Variants in RBFOX1 observed in about 807,000 individuals in gnomAD.
RBFOX1 encodes the protein RNA binding fox-1 homolog 1.
Under a neutral mutation model 57.7 loss-of-function variants are expected in RBFOX1, and 8 were observed. The observed-to-expected ratio is 0.14, with a 90% CI of 0.08 to 0.25. RBFOX1 has a LOEUF of 0.25. Ranked by LOEUF, RBFOX1 falls within the 10% of genes least tolerant of loss-of-function variation. The probability of loss-of-function intolerance (pLI) is 1.00; values close to 1 mark genes in which losing one functional copy is unlikely to be tolerated. For synonymous variants in RBFOX1, 326 were observed against 222.4 expected (o/e 1.47, Z -4.15); for missense variants, 611 against 548.5 (o/e 1.11, Z -1.14).
At chr16:7,424,916 A>G (rs759831471) in intron 4 of RBFOX1, among the ~76,000 whole-genome samples, 1 of 152,186 alleles carries the variant, frequency 6.6e-6, no homozygotes, top group Non-Finnish European at 1.5e-5. Flanking sequence ...AATATAATAC[A>G]AATTATATTC....
intron 2 of RBFOX1, among the ~76,000 whole-genome samples, chr16:5,566,916 A>G (rs2046093172): frequency 6.6e-6 from 1 of 152,170 alleles, no homozygotes; most frequent in Non-Finnish European, 1.5e-5. Flanking sequence ...AAGTTGTTTT[A>G]GGTGACCTGG....
chr16:5,995,700 T>C (rs1431178105), intron 4 of RBFOX1, among the ~76,000 whole-genome samples: 2 of 152,166 alleles, frequency 1.3e-5, no homozygotes, highest in South Asian at 2.1e-4. Context: ...TGGTGGAAAA[T>C]CTTTGATATA....
intron 3 of RBFOX1, among the ~76,000 whole-genome samples, chr16:7,035,074 G>C (rs1309288288): frequency 6.6e-6 from 1 of 151,416 alleles, no homozygotes; most frequent in Non-Finnish European, 1.5e-5. Context: ...TCTCAAACTT[G>C]TGGCCTCAGG....
chr16:7,207,107 A>T (rs77298294), intron 4 of RBFOX1, among the ~76,000 whole-genome samples: 1 of 152,188 alleles, frequency 6.6e-6, no homozygotes, highest in African/African-American at 2.4e-5. Context: ...TGAGGCTTCA[A>T]ATCACCCCAT....
chr16:5,262,368 T>C (rs2062756218), intron 1 of RBFOX1, among the ~76,000 whole-genome samples: 1 of 152,182 alleles, frequency 6.6e-6, no homozygotes, highest in East Asian at 1.9e-4. Context: ...TCCTCCCCAA[T>C]GTGGGTGAGC....
intron 4 of RBFOX1, among the ~76,000 whole-genome samples, chr16:7,459,617 G>A (rs1598936986): frequency 6.6e-6 from 1 of 152,130 alleles, no homozygotes; most frequent in East Asian, 1.9e-4. Context: ...CGGGGGGACA[G>A]TTCTAGTTTA....
intron 2 of RBFOX1, among the ~76,000 whole-genome samples, chr16:6,570,667 A>T (rs1454431245): frequency 6.6e-6 from 1 of 152,226 alleles, no homozygotes; most frequent in Non-Finnish European, 1.5e-5. Context: ...GCTAAAAATT[A>T]TCAGTCATAT....
chr16:7,079,676 C>G (rs116353805), intron 4 of RBFOX1, among the ~76,000 whole-genome samples: 1,528 of 152,176 alleles, frequency 0.01, 30 homozygotes, highest in African/African-American at 0.035. Context: ...GAAAAGTAAA[C>G]ATTTTCCTGC....
At chr16:5,996,937 G>T (rs1018872025) in intron 4 of RBFOX1, among the ~76,000 whole-genome samples, 3 of 152,140 alleles carry the variant, frequency 2.0e-5, no homozygotes, top group Non-Finnish European at 2.9e-5. Context: ...CAACCTAATA[G>T]TTCGTCCAAA....
chr16:6,062,292 C>CG (rs1333627264), intron 1 of RBFOX1, among the ~76,000 whole-genome samples: 1 of 93,044 alleles, frequency 1.1e-5, no homozygotes, highest in African/African-American at 7.9e-5. Context: ...CCATCTTTAG[C>CG]CCCCCTGCCC....
intron 3 of RBFOX1, among the ~76,000 whole-genome samples, chr16:6,980,569 T>C (rs1324746531): frequency 2.0e-5 from 3 of 151,978 alleles, no homozygotes; most frequent in Non-Finnish European, 2.9e-5. Flanking sequence ...CAAAAGCGAG[T>C]ATTGAAAAAC....
At chr16:7,227,134 TCCTGGAGTAATAGTA>T (rs2093175940) in intron 4 of RBFOX1, among the ~76,000 whole-genome samples, 1 of 152,150 alleles carries the variant, frequency 6.6e-6, no homozygotes, top group Non-Finnish European at 1.5e-5. Flanking sequence ...AGTTTGAAAA[TCCTGGAGTAATAGTA>T]CCCCATTATG....
intron 2 of RBFOX1, among the ~76,000 whole-genome samples, chr16:6,491,750 C>T (rs538788180): frequency 6.6e-6 from 1 of 152,126 alleles, no homozygotes; most frequent in African/African-American, 2.4e-5. Flanking sequence ...TCAAGGGTTA[C>T]CAACAGCTAG....
intron 3 of RBFOX1, among the ~76,000 whole-genome samples, chr16:5,749,529 A>G (rs2151614891): frequency 6.6e-6 from 1 of 152,194 alleles, no homozygotes. Flanking sequence ...TGGTCTTTTC[A>G]CATAGTCCCA....
At chr16:6,735,247 G>A (rs1028217711) in intron 3 of RBFOX1, among the ~76,000 whole-genome samples, 2 of 152,146 alleles carry the variant, frequency 1.3e-5, no homozygotes, top group Non-Finnish European at 2.9e-5. Context: ...AAAGGGTATG[G>A]TTTGGGAGTT....
chr16:5,653,175 G>T (rs2049300149), intron 3 of RBFOX1, among the ~76,000 whole-genome samples: 1 of 151,602 alleles, frequency 6.6e-6, no homozygotes, highest in African/African-American at 2.4e-5. Flanking sequence ...GGAACCGTGT[G>T]CTGCACTTTT....
intron 4 of RBFOX1, chr16:7,304,225 AG>A: frequency 1.0e-6 from 1 of 976,192 alleles, no homozygotes; most frequent in Non-Finnish European, 1.2e-6. Context: ...AGAGAGAGAG[AG>A]AGAGAGAGAG....
intron 3 of RBFOX1, among the ~76,000 whole-genome samples, chr16:6,875,165 G>A (rs1037561666): frequency 6.6e-6 from 1 of 152,110 alleles, no homozygotes; most frequent in Non-Finnish European, 1.5e-5. Flanking sequence ...TACAGTGCTT[G>A]TGCACATAAT....
intron 4 of RBFOX1, among the ~76,000 whole-genome samples, chr16:7,463,428 C>T (rs943280175): frequency 4.6e-5 from 7 of 152,076 alleles, no homozygotes; most frequent in Middle Eastern, 3.2e-3. Context: ...CACTTGAACC[C>T]GGGACGTAGG....
Sources: gnomAD v4.1 joint callset for allele counts (sites outside exome capture counted in the v4.1 genomes callset) on GRCh38, gnomAD v4.1.1 for gene constraint, MANE v1.5 for transcripts, NCBI Gene and HGNC (gene_info 2026-07-23, HGNC 2026-07-21) for gene names.